The following MACROH2A2 variants were observed in gnomAD, a reference collection of about 807,000 sequenced individuals.
MACROH2A2 encodes core histone macro-H2A.2.
In MACROH2A2, 6 loss-of-function variants were observed where a neutral mutation model predicts 37.6. The observed-to-expected ratio is 0.16, with a 90% confidence interval of 0.09 to 0.32. The LOEUF (loss-of-function observed/expected upper bound fraction) is 0.32, where lower values mean the gene tolerates loss of function less well. Among genes scored for constraint, MACROH2A2 ranks in the 10% least tolerant of loss-of-function variants. The pLI is 1.00. For missense variants in MACROH2A2, 290 were observed against 485.9 expected (o/e 0.60, Z 3.79); for synonymous variants, 192 against 202.7 (o/e 0.95, Z 0.45).
chr10:70,073,594 A>G (rs2072122837), intron 1 of MACROH2A2, among the ~76,000 whole-genome samples: 2 of 152,218 alleles, frequency 1.3e-5, no homozygotes, highest in African/African-American at 4.8e-5. Context: ...AATAATGTAT[A>G]TGAAGTATAT....
intron 6 of MACROH2A2, among the ~76,000 whole-genome samples, chr10:70,097,752 T>C (rs1041445735): frequency 2.6e-5 from 4 of 152,166 alleles, no homozygotes; most frequent in South Asian, 4.1e-4. Context: ...CTTAAAAAGA[T>C]AGCAATATCA....
intron 2 of MACROH2A2, among the ~76,000 whole-genome samples, chr10:70,077,793 C>G (rs530409473): frequency 2.6e-5 from 4 of 152,348 alleles, no homozygotes; most frequent in Admixed American, 1.3e-4. Context: ...TTCACTGGAT[C>G]TGGAGTGAGG....
chr10:70,097,606 C>A (rs183946527), intron 6 of MACROH2A2, among the ~76,000 whole-genome samples: 1 of 152,244 alleles, frequency 6.6e-6, no homozygotes, highest in East Asian at 1.9e-4. Context: ...TAATCACCAC[C>A]CATGGCCACC....
chr10:70,104,093 A>T (rs1340080934), intron 7 of MACROH2A2, among the ~76,000 whole-genome samples: 1 of 152,246 alleles, frequency 6.6e-6, no homozygotes, highest in African/African-American at 2.4e-5. Flanking sequence ...GGGGCCAGTG[A>T]GTGTTAGCAC....
At chr10:70,084,970 C>T (rs1269287275) in intron 2 of MACROH2A2, among the ~76,000 whole-genome samples, 1 of 152,076 alleles carries the variant, frequency 6.6e-6, no homozygotes, top group Non-Finnish European at 1.5e-5. Flanking sequence ...TGGAGAACAA[C>T]AAAACTAGGG....
At chr10:70,073,333 G>A (rs957144407) in intron 1 of MACROH2A2, among the ~76,000 whole-genome samples, 2 of 152,176 alleles carry the variant, frequency 1.3e-5, no homozygotes, top group African/African-American at 2.4e-5. Context: ...GGATTTATGA[G>A]AGTGAGCAGC....
intron 1 of MACROH2A2, among the ~76,000 whole-genome samples, chr10:70,058,572 C>G (rs1382541554): frequency 6.6e-6 from 1 of 152,078 alleles, no homozygotes. Flanking sequence ...AAAAGCAGCA[C>G]AAGATAAAAT....
At chr10:70,111,421 C>T in intron 8 of MACROH2A2, 97 bp from the exon 9 acceptor site, 3 of 1,080,838 alleles carry the variant, frequency 2.8e-6, no homozygotes, top group Non-Finnish European at 4.1e-6. Context: ...TAGCCCTGCA[C>T]ACAGCAAGGC....
At chr10:70,108,217 C>A (rs1053187419) in intron 7 of MACROH2A2, among the ~76,000 whole-genome samples, 15 of 151,424 alleles carry the variant, frequency 9.9e-5, no homozygotes, top group African/African-American at 3.2e-4. Context: ...CAAAAAAAAA[C>A]TAAAAATAAA....
At chr10:70,089,355 C>T (rs2072230197) in intron 2 of MACROH2A2, among the ~76,000 whole-genome samples, 2 of 152,188 alleles carry the variant, frequency 1.3e-5, no homozygotes, top group South Asian at 4.1e-4. Flanking sequence ...GACTCAGTTT[C>T]CTTCTGTGCT....
chr10:70,075,833 A>G lies in MACROH2A2; in HGVS notation c.172+3A>G. On this transcript the variant is annotated splice_donor_region_variant and intron_variant, in intron 2 of 8. Coordinates refer to ENST00000373255, the MANE Select transcript of MACROH2A2 (RefSeq NM_018649.3). This position sits in a 1 kb window ranked among gnomAD's most constrained non-coding sequence, Gnocchi z 5.0. ...GGCAGTCATTGAGTACCTGGCAGGT[A>G]ATGAGGACACGCAAAGGAGGCTGCC... 6.2e-7 allele frequency: 1 copy of G among 1,611,846 alleles called. No individual in the cohort carries two copies.
At chr10:70,091,016 C>T (rs985713799) in intron 3 of MACROH2A2, among the ~76,000 whole-genome samples, 1 of 152,206 alleles carries the variant, frequency 6.6e-6, no homozygotes, top group African/African-American at 2.4e-5. Context: ...TTGGGAGGAG[C>T]ATGGCCAGAC....
intron 1 of MACROH2A2, among the ~76,000 whole-genome samples, chr10:70,056,809 G>A (rs946411804): frequency 6.6e-6 from 1 of 152,178 alleles, no homozygotes; most frequent in African/African-American, 2.4e-5. Context: ...TCAGGTTGAA[G>A]GATGAACTAA....
Position 70,075,776 on chromosome 10 carries a change from C to T in MACROH2A2, c.118C>T (p.Arg40Trp), listed in dbSNP as rs370042455. ...RYLKKGTFKY[R>W]ISVGAPVYMA... ...TCTGAAGAAAGGGACGTTCAAGTACCGGATCAGCGTGGGCGCCCCTGTCTA... is the reference window on the plus strand; with the variant it reads ...TCTGAAGAAAGGGACGTTCAAGTACTGGATCAGCGTGGGCGCCCCTGTCTA... Residue 40 changes from arginine (R) to tryptophan (W), a missense_variant, in exon 2 of 9, where the codon CGG (arginine) becomes TGG (tryptophan). Physicochemically the swap from Arg to Trp is moderately radical, Grantham distance 101. Transcript: ENST00000373255. The surrounding 1 kb of genome is among the most constrained non-coding windows in gnomAD (Gnocchi z 5.0). 53 of 1,613,866 alleles carry T rather than the reference C, an allele frequency of 3.3e-5. No homozygotes were observed. Among genetic ancestry groups the T allele is most frequent in the Non-Finnish European group, 4.2e-5 (49 of 1,179,970 alleles).
At chr10:70,109,637 C>T (rs935707448) in intron 8 of MACROH2A2, among the ~76,000 whole-genome samples, 3 of 152,200 alleles carry the variant, frequency 2.0e-5, no homozygotes, top group Admixed American at 6.5e-5. Flanking sequence ...CAGCAGTGAC[C>T]GATGTCAGAA....
chr10:70,091,058 T>C (rs938135313), intron 3 of MACROH2A2, among the ~76,000 whole-genome samples: 1 of 152,240 alleles, frequency 6.6e-6, no homozygotes, highest in Non-Finnish European at 1.5e-5. Context: ...TGTGCAAGCT[T>C]GTGGAGACCA....
chr10:70,056,050 T>C (rs928825094), intron 1 of MACROH2A2, among the ~76,000 whole-genome samples: 7 of 152,208 alleles, frequency 4.6e-5, no homozygotes, highest in African/African-American at 1.7e-4. Context: ...TATATGGTAC[T>C]ATTGATATTA....
chr10:70,093,250 A>C (rs2072256783), intron 4 of MACROH2A2, among the ~76,000 whole-genome samples: 1 of 152,268 alleles, frequency 6.6e-6, no homozygotes, highest in Non-Finnish European at 1.5e-5. Flanking sequence ...CCACATTTCA[A>C]GCACTCAGCA....
chr10:70,078,653 A>G (rs1006140260), intron 2 of MACROH2A2, among the ~76,000 whole-genome samples: 2 of 152,192 alleles, frequency 1.3e-5, no homozygotes, highest in Non-Finnish European at 2.9e-5. Flanking sequence ...ATAAATGCTA[A>G]TTCTTCTCCT....
Sources: gnomAD v4.1 joint callset for allele counts (sites outside exome capture counted in the v4.1 genomes callset) on GRCh38, gnomAD v4.1.1 for gene constraint, Gnocchi (gnomAD v3.1) non-coding constraint, MANE v1.5 for transcripts, NCBI Gene and HGNC (gene_info 2026-07-23, HGNC 2026-07-21) for gene names.